The following FAT3 variants were observed in gnomAD, a reference collection of about 807,000 sequenced individuals.
FAT3 encodes the protein FAT atypical cadherin 3.
Under a neutral mutation model 310.2 loss-of-function variants are expected in FAT3, and 95 were observed. The observed-to-expected ratio is 0.31, with a 90% confidence interval of 0.26 to 0.36. FAT3 has a LOEUF of 0.36. Among genes scored for constraint, FAT3 ranks in the 10% least tolerant of loss-of-function variants. FAT3 has a pLI of 1.00. For missense variants in FAT3, 5,408 were observed against 5,715.6 expected, an observed-to-expected ratio of 0.95 and a Z score of 1.74; for synonymous variants, 2,314 against 2,192.9, an observed-to-expected ratio of 1.06 and a Z score of -1.54.
chr11:92,616,306 T>C (rs1342439923), intron 3 of FAT3, among the ~76,000 whole-genome samples: 1 of 149,130 alleles, frequency 6.7e-6, no homozygotes, highest in Non-Finnish European at 1.5e-5. Context: ...GAACCCCTGC[T>C]TTTTTTTTGT....
At chr11:92,290,204 T>C (rs961111832) in intron 1 of FAT3, among the ~76,000 whole-genome samples, 1 of 152,258 alleles carries the variant, frequency 6.6e-6, no homozygotes, top group East Asian at 1.9e-4. Context: ...CTTTCCTGCC[T>C]TCTTTCTCTC....
chr11:92,762,852 C>A (rs761132316), intron 5 of FAT3, among the ~76,000 whole-genome samples: 2 of 152,008 alleles, frequency 1.3e-5, no homozygotes, highest in Non-Finnish European at 2.9e-5. Flanking sequence ...TCCTTACGAG[C>A]AATGAGCATG....
chr11:92,672,034 G>T (rs919480925), intron 3 of FAT3, among the ~76,000 whole-genome samples: 1 of 152,060 alleles, frequency 6.6e-6, no homozygotes, highest in African/African-American at 2.4e-5. Flanking sequence ...CAGGAGAATC[G>T]CTTGAACCTG....
intron 1 of FAT3, among the ~76,000 whole-genome samples, chr11:92,232,628 G>GTTTTTTTTTT (rs56273706): frequency 2.0e-4 from 15 of 74,748 alleles, no homozygotes; most frequent in Non-Finnish European, 1.9e-4. Context: ...CAGTGATGTC[G>GTTTTTTTTTT]TTTTTTTTTT....
In FAT3 at chr11:92,834,669, TTA is replaced by T. The variant is rs1948352407; in HGVS notation, c.9872-199_9872-198del. On this transcript the variant is annotated intron_variant, in intron 14 of 27. Transcript: ENST00000525166. ...GTAAAGACTTTTCATTTCTTCAGTG[TTA>T]TGTTTGATGGATAGCTATGCTCTCA... is the stretch of plus-strand genomic sequence containing the variant. Among the ~76,000 whole-genome samples, 3 of 152,330 alleles carry T rather than the reference TTA, an allele frequency of 2.0e-5. No individual in the cohort carries two copies. In the South Asian group the frequency reaches 6.2e-4, roughly 32 times the overall value.
chr11:92,777,220 A>C (rs1591718357), intron 7 of FAT3, among the ~76,000 whole-genome samples: 1 of 152,196 alleles, frequency 6.6e-6, no homozygotes, highest in Non-Finnish European at 1.5e-5. Flanking sequence ...TTCATTTGGA[A>C]TCATAAAACA....
In FAT3 at chr11:92,417,211, G is replaced by GT. The variant is rs1438407143; in HGVS notation, c.3292+61813dup. 2.6e-5 allele frequency among the ~76,000 whole-genome samples: 4 copies of GT among 152,146 alleles called. No homozygotes were observed. In the East Asian group the frequency reaches 7.7e-4, roughly 29 times the overall value. On this transcript the variant is annotated intron_variant, in intron 2 of 27. Coordinates refer to ENST00000525166, the MANE Select transcript of FAT3 (RefSeq NM_001367949.2). ...TTAAAAATGCTAACCTATTATGCAA[G>GT]TTTTTTCTAAATCACAGCTGTGGGG...
intron 1 of FAT3, among the ~76,000 whole-genome samples, chr11:92,253,815 C>T (rs1415477607): frequency 6.6e-6 from 1 of 152,110 alleles, no homozygotes; most frequent in African/African-American, 2.4e-5. Context: ...AATTTGTTTA[C>T]TGCAGAAACA....
At chr11:92,293,454 C>T (rs1436385112) in intron 1 of FAT3, among the ~76,000 whole-genome samples, 1 of 147,532 alleles carries the variant, frequency 6.8e-6, no homozygotes, top group Non-Finnish European at 1.5e-5. Flanking sequence ...TATAATCATA[C>T]TCATGATCAC....
intron 2 of FAT3, among the ~76,000 whole-genome samples, chr11:92,447,215 A>ATG (rs369295353): frequency 4.6e-4 from 56 of 123,010 alleles, no homozygotes; most frequent in African/African-American, 1.5e-3. Context: ...GTGTATGTAT[A>ATG]TGTGTGCGTG....
chr11:92,226,822 G>A (rs1863928551), intron 1 of FAT3, among the ~76,000 whole-genome samples: 1 of 152,154 alleles, frequency 6.6e-6, no homozygotes. Flanking sequence ...GGGTTTGGGC[G>A]AACCTGCAGC....
chr11:92,504,186 T>C (rs543805861), intron 2 of FAT3, among the ~76,000 whole-genome samples: 1 of 152,260 alleles, frequency 6.6e-6, no homozygotes, highest in Non-Finnish European at 1.5e-5. Flanking sequence ...AAACACAATG[T>C]GAGAGCCAGA....
At chr11:92,406,979 T>A (rs1950149220) in intron 2 of FAT3, among the ~76,000 whole-genome samples, 1 of 152,350 alleles carries the variant, frequency 6.6e-6, no homozygotes, top group African/African-American at 2.4e-5. Flanking sequence ...TTTAAGGTTT[T>A]CTTCTTAATA....
intron 3 of FAT3, among the ~76,000 whole-genome samples, chr11:92,595,991 G>A (rs930688791): frequency 2.0e-5 from 3 of 152,034 alleles, no homozygotes; most frequent in Non-Finnish European, 4.4e-5. Flanking sequence ...AGTATGGCTC[G>A]TACAAGTTTG....
intron 2 of FAT3, among the ~76,000 whole-genome samples, chr11:92,448,628 G>A (rs1015332710): frequency 1.3e-5 from 2 of 152,126 alleles, no homozygotes; most frequent in African/African-American, 4.8e-5. Flanking sequence ...GATTCAAATA[G>A]CATTTCTTGT....
rs1263999790 is a variant in FAT3 at position 92,890,553 on chromosome 11, C to A, written c.13210C>A (p.Pro4404Thr). 6.2e-7 allele frequency: 1 copy of A among 1,613,842 alleles called. No homozygotes were observed. The change falls in exon 28 of 28, where the codon CCC (proline) becomes ACC (threonine). Residue 4404 changes from proline to threonine, a missense_variant. Around this residue, in one of 5 missense-constraint regions of FAT3, gnomAD observed 649 missense variants for 666.2 expected, o/e 0.97. Transcript: ENST00000525166. Reference sequence around the variant, plus strand: ...CCGCCTGTCGGACATAGAGGAAGTGCCCAACTATGAGAACCAGGATGGAGG... The same window carrying A: ...CCGCCTGTCGGACATAGAGGAAGTGACCAACTATGAGAACCAGGATGGAGG... ...GARLSDIEEV[P>T]NYENQDGGSA...
chr11:92,426,282 C>T (rs1326872947), intron 2 of FAT3, among the ~76,000 whole-genome samples: 1 of 151,790 alleles, frequency 6.6e-6, no homozygotes, highest in Non-Finnish European at 1.5e-5. Flanking sequence ...GGATATTAGC[C>T]CTTTGTCAGA....
chr11:92,414,372 G>A (rs768426599), intron 2 of FAT3, among the ~76,000 whole-genome samples: 2 of 152,084 alleles, frequency 1.3e-5, no homozygotes, highest in Non-Finnish European at 2.9e-5. Context: ...AATACCCCAC[G>A]GATTTGGTGA....
At chr11:92,457,191 C>T (rs1464954428) in intron 2 of FAT3, among the ~76,000 whole-genome samples, 5 of 152,156 alleles carry the variant, frequency 3.3e-5, no homozygotes, top group South Asian at 2.1e-4. Flanking sequence ...TCTCTTTAAT[C>T]GTGATTCTAT....
Sources: gnomAD v4.1 joint callset for allele counts (sites outside exome capture counted in the v4.1 genomes callset) on GRCh38, gnomAD v4.1.1 for gene constraint, gnomAD v4.1.1 regional missense constraint, MANE v1.5 for transcripts, NCBI Gene and HGNC (gene_info 2026-07-23, HGNC 2026-07-21) for gene names.